Variants in PREX2 observed in about 807,000 individuals in gnomAD.
The protein encoded by PREX2 is phosphatidylinositol-3,4,5-trisphosphate dependent Rac exchange factor 2.
PREX2 carries 107 observed loss-of-function variants against 203.2 expected under a neutral mutation model. The observed-to-expected ratio is 0.53, with a 90% confidence interval of 0.45 to 0.62. The LOEUF (loss-of-function observed/expected upper bound fraction) is 0.62. Among genes scored for constraint, PREX2 ranks in the 20% least tolerant of loss-of-function variants. The pLI, the probability that PREX2 is intolerant of heterozygous loss-of-function variation, is 0.00. For synonymous variants in PREX2, 672 were observed against 663.6 expected (o/e 1.01, Z -0.19); for missense variants, 1,777 against 1,955.9 (o/e 0.91, Z 1.72).
intron 30 of PREX2, 84 bp from the exon 31 acceptor site, chr8:68,127,294 T>C (rs1563557516): frequency 1.4e-5 from 15 of 1,072,220 alleles, no homozygotes; most frequent in Admixed American, 4.0e-5. Context: ...AATAAGATCA[T>C]ACTAATTTTG....
intron 31 of PREX2, among the ~76,000 whole-genome samples, chr8:68,130,836 T>C (rs1369022873): frequency 1.3e-5 from 2 of 152,320 alleles, no homozygotes; most frequent in Admixed American, 6.5e-5. Context: ...CCCCCAGGTC[T>C]ATGGTGACCA....
At chr8:68,084,656 G>A (rs936268926) in intron 18 of PREX2, among the ~76,000 whole-genome samples, 2 of 152,180 alleles carry the variant, frequency 1.3e-5, no homozygotes, top group Admixed American at 6.5e-5. Context: ...GTAGGAAGAC[G>A]GGGCTAGAGG....
In PREX2 at chr8:68,077,396, G is replaced by A. The variant is rs771538262; in HGVS notation, c.1570-1G>A. ...TCCCACAGTGCTTTTTTGGTTAACA[G>A]GGAGATTGCCGCACCAGAGAAGAGG... On this transcript the variant is annotated splice_acceptor_variant, in intron 14 of 39. Transcript: ENST00000288368. LOFTEE classifies it high-confidence loss of function. 1 of 1,612,994 alleles carries A rather than the reference G, an allele frequency of 6.2e-7. No homozygotes were observed. The highest frequency in any genetic ancestry group is 8.5e-7 in the Non-Finnish European group (1 of 1,178,990).
At position 67,977,276 on chromosome 8, in the gene PREX2, A is replaced by G. The variant is rs182131959; in HGVS notation, c.141+24741A>G. Among the ~76,000 whole-genome samples, 35 of 152,330 alleles carry G rather than the reference A, an allele frequency of 2.3e-4. No individual in the cohort carries two copies. In the East Asian group the frequency reaches 6.6e-3, roughly 29 times the overall value. On this transcript the variant is annotated intron_variant, in intron 1 of 39. Coordinates refer to ENST00000288368, the MANE Select transcript of PREX2 (RefSeq NM_024870.4). ...CCTCACCATAGCCTGCTGGCACCCCAGTCTTGGACTTTTCAGCTTGCATAA... is the reference window on the plus strand; with the variant it reads ...CCTCACCATAGCCTGCTGGCACCCCGGTCTTGGACTTTTCAGCTTGCATAA...
intron 33 of PREX2, among the ~76,000 whole-genome samples, chr8:68,140,778 G>A (rs1444254107): frequency 6.6e-6 from 1 of 152,078 alleles, no homozygotes; most frequent in African/African-American, 2.4e-5. Context: ...ATTACATATG[G>A]CTATACTAGT....
At chr8:68,196,435 T>A (rs904515801) in intron 37 of PREX2, among the ~76,000 whole-genome samples, 5 of 146,000 alleles carry the variant, frequency 3.4e-5, no homozygotes, top group African/African-American at 1.2e-4. Context: ...GAATTATATA[T>A]TTTTTTATAT....
intron 32 of PREX2, among the ~76,000 whole-genome samples, chr8:68,137,167 A>G (rs183126943): frequency 1.3e-5 from 2 of 152,304 alleles, no homozygotes; most frequent in Non-Finnish European, 2.9e-5. Context: ...CAGCCCCGCA[A>G]ACTGTTGGGC....
rs542085873 is a variant in PREX2 at position 68,100,003 on chromosome 8, C to T, written c.2715+160C>T. 18 of 764,808 alleles carry T rather than the reference C, an allele frequency of 2.4e-5. 1 individual carries two copies. The South Asian group carries it at 2.4e-4, about 10-fold the overall frequency. 47.4% of individuals were successfully genotyped at this position (764,808 alleles called of 1,614,324 possible). ...TTTTAGAGTTTTTGAAATGGCTTAA[C>T]ATCCATTACCTCATTTGATCTTTGC... On this transcript the variant is annotated intron_variant, in intron 23 of 39. Coordinates refer to ENST00000288368, the MANE Select transcript of PREX2 (RefSeq NM_024870.4).
At chr8:68,010,050 T>G (rs1399351200) in intron 1 of PREX2, among the ~76,000 whole-genome samples, 1 of 152,218 alleles carries the variant, frequency 6.6e-6, no homozygotes, top group African/African-American at 2.4e-5. Flanking sequence ...CTAAGTTGTT[T>G]CAAGGATTGA....
intron 11 of PREX2, among the ~76,000 whole-genome samples, chr8:68,065,137 A>C (rs1348094165): frequency 6.6e-6 from 1 of 152,246 alleles, no homozygotes; most frequent in Non-Finnish European, 1.5e-5. Flanking sequence ...TAAGAGTTGC[A>C]GATTAACCCA....
chr8:68,157,797 C>G (rs769310662), intron 35 of PREX2, among the ~76,000 whole-genome samples: 4 of 151,704 alleles, frequency 2.6e-5, no homozygotes, highest in Non-Finnish European at 5.9e-5. Flanking sequence ...CTCTATGTAC[C>G]ACCAAATAGC....
intron 1 of PREX2, among the ~76,000 whole-genome samples, chr8:67,967,188 T>C (rs1368072676): frequency 6.6e-6 from 1 of 152,196 alleles, no homozygotes; most frequent in Non-Finnish European, 1.5e-5. Flanking sequence ...ATTTCTTGTT[T>C]AAATCTTCAG....
At chr8:68,097,299 G>A (rs1563543710) in intron 22 of PREX2, 98 bp downstream of exon 22, 1 of 917,040 alleles carries the variant, frequency 1.1e-6, no homozygotes, top group Non-Finnish European at 1.6e-6. Context: ...AGCTATACAT[G>A]TTGCAGCTGT....
intron 23 of PREX2, chr8:68,101,244 T>A (rs1810255611): frequency 2.2e-6 from 1 of 452,212 alleles, no homozygotes; most frequent in Admixed American, 2.7e-5. Flanking sequence ...AGAATAGGGA[T>A]GTGTGTAAAT....
intron 34 of PREX2, among the ~76,000 whole-genome samples, chr8:68,151,854 C>T (rs2129613802): frequency 6.6e-6 from 1 of 151,314 alleles, no homozygotes; most frequent in Non-Finnish European, 1.5e-5. Flanking sequence ...TCTTTCTTTG[C>T]TCTGAGAATA....
chr8:68,063,413 A>G (rs1343584999), intron 11 of PREX2, among the ~76,000 whole-genome samples: 1 of 152,142 alleles, frequency 6.6e-6, no homozygotes, highest in Admixed American at 6.5e-5. Flanking sequence ...AGGCTATTAA[A>G]AAAACACAAA....
chr8:68,169,301 G>A (rs1240729722), intron 35 of PREX2, among the ~76,000 whole-genome samples: 1 of 151,984 alleles, frequency 6.6e-6, no homozygotes, highest in Non-Finnish European at 1.5e-5. Flanking sequence ...GGTGGGCTTG[G>A]CACTAGATAA....
chr8:68,087,804 G>A lies in PREX2; in HGVS notation c.2108G>A (p.Gly703Glu). ...GFGPSVVHAV[G>E]RGTVAAAAGL... ...GGCCCTTCTGTTGTGCATGCTGTAGGAAGAGGTAGGAAATTCGTCTTGCAG... is the reference window on the plus strand; with the variant it reads ...GGCCCTTCTGTTGTGCATGCTGTAGAAAGAGGTAGGAAATTCGTCTTGCAG... The change falls in exon 19 of 40, where the codon GGA becomes GAA. Residue 703 changes from glycine to glutamate, a missense_variant. Transcript: ENST00000288368. The A allele has an allele frequency of 6.2e-7, 1 of 1,610,840 alleles. No homozygotes were observed. The highest frequency in any genetic ancestry group is 1.1e-5 in the South Asian group (1 of 91,016).
intron 1 of PREX2, among the ~76,000 whole-genome samples, chr8:67,961,953 T>C (rs1361218406): frequency 6.6e-6 from 1 of 152,202 alleles, no homozygotes; most frequent in Non-Finnish European, 1.5e-5. Context: ...TGTATAGTAC[T>C]TAAGAAATGA....
Sources: gnomAD v4.1 joint callset for allele counts (sites outside exome capture counted in the v4.1 genomes callset) on GRCh38, gnomAD v4.1.1 for gene constraint, MANE v1.5 for transcripts, NCBI Gene and HGNC (gene_info 2026-07-23, HGNC 2026-07-21) for gene names.